The following PRRC2C variants were observed in gnomAD, a reference collection of about 807,000 sequenced individuals.
The protein encoded by PRRC2C is protein PRRC2C.
Under a neutral mutation model 317.2 loss-of-function variants are expected in PRRC2C, and 72 were observed. The observed-to-expected ratio is 0.23, with a 90% CI of 0.19 to 0.28. The LOEUF (loss-of-function observed/expected upper bound fraction) is 0.28, where lower values mean the gene tolerates loss of function less well. Among genes scored for constraint, PRRC2C ranks in the 10% least tolerant of loss-of-function variants. PRRC2C has a pLI of 1.00. For synonymous variants in PRRC2C, 1,296 were observed against 1,205.9 expected (o/e 1.07, Z -1.55); for missense variants, 3,074 against 3,459.7 (o/e 0.89, Z 2.80).
chr1:171,539,228 C>T (rs186927486), intron 15 of PRRC2C, among the ~76,000 whole-genome samples: 24 of 151,788 alleles, frequency 1.6e-4, no homozygotes, highest in East Asian at 3.9e-4. Context: ...CTCGAACTCC[C>T]GACCTCAGGT....
chr1:171,536,115 T>C lies in PRRC2C; in HGVS notation c.2130T>C (p.Thr710=). Residue 710 remains threonine (T), a synonymous_variant, in exon 14 of 35, where the codon ACT becomes ACC. Coordinates refer to ENST00000647382, the MANE Select transcript of PRRC2C (RefSeq NM_001387844.1). ...QTVPSQPSSS[T]VPPPPHRPLY... ...TTCCTTCACAACCGTCCAGTAGTAC[T>C]GTCCCTCCTCCACCACACAGACCTC... 1 of 1,572,578 alleles carries C rather than the reference T, an allele frequency of 6.4e-7. No individual in the cohort carries two copies. Among genetic ancestry groups the C allele is most frequent in the Non-Finnish European group, 8.6e-7 (1 of 1,157,488 alleles).
chr1:171,518,609 T>C (rs1004090047), intron 6 of PRRC2C, among the ~76,000 whole-genome samples: 1 of 142,148 alleles, frequency 7.0e-6, no homozygotes, highest in Non-Finnish European at 1.5e-5. Context: ...GCAATTCTTG[T>C]GCCTCCGCCT....
At chr1:171,517,003 ACACTT>A (rs1396449986) in intron 5 of PRRC2C, among the ~76,000 whole-genome samples, 1 of 152,220 alleles carries the variant, frequency 6.6e-6, no homozygotes, top group Non-Finnish European at 1.5e-5. Flanking sequence ...AGAAGGGACT[ACACTT>A]AGTGTAAATA....
intron 10 of PRRC2C, among the ~76,000 whole-genome samples, chr1:171,527,219 G>T (rs935467924): frequency 6.6e-6 from 1 of 151,424 alleles, no homozygotes; most frequent in Non-Finnish European, 1.5e-5. Context: ...TGCAACCTCC[G>T]CCTCCCAGGT....
chr1:171,537,641 T>C (rs1677079545), intron 15 of PRRC2C, among the ~76,000 whole-genome samples, 168 bp downstream of exon 15: 1 of 152,196 alleles, frequency 6.6e-6, no homozygotes, highest in African/African-American at 2.4e-5. Flanking sequence ...TCTGTATTCA[T>C]TAGGGCATTT....
chr1:171,563,511 A>G (rs553267196), intron 20 of PRRC2C, among the ~76,000 whole-genome samples: 11 of 152,330 alleles, frequency 7.2e-5, no homozygotes, highest in African/African-American at 2.6e-4. Flanking sequence ...AGCCAACTGT[A>G]TAAAGAACTT....
At chr1:171,550,319 A>C (rs1262568706) in intron 18 of PRRC2C, 79 bp downstream of exon 18, 23 of 1,300,944 alleles carry the variant, frequency 1.8e-5, no homozygotes, top group Admixed American at 2.7e-5. Flanking sequence ...CAAGGTTTTT[A>C]TACTTGTCAA....
intron 23 of PRRC2C, 69 bp from the exon 24 acceptor site, chr1:171,571,251 A>G (rs1684726140): frequency 2.3e-6 from 2 of 873,418 alleles, no homozygotes; most frequent in South Asian, 1.5e-5. Context: ...ACACCTTAGC[A>G]TTGTCTTTAA....
Position 171,512,034 on chromosome 1 carries a change from C to A in PRRC2C, c.-55C>A. 1.1e-6 allele frequency: 1 copy of A among 921,172 alleles called. No homozygotes were observed. Among genetic ancestry groups the A allele is most frequent in the South Asian group, 1.6e-5 (1 of 60,864 alleles). 57.1% of individuals were successfully genotyped at this position (921,172 alleles called of 1,614,324 possible). The stretch of plus-strand genomic sequence containing the variant: ...TTCTTTCTTATGTACATCTTAAGGA[C>A]TGGGGTTTTAAGGGGTGTGGCAGGA... On this transcript the variant is annotated splice_region_variant and 5_prime_UTR_variant, in exon 2 of 35. In the 5' UTR this introduces an upstream ATG that the reference lacks. Transcript: ENST00000647382.
At chr1:171,533,917 C>G (rs1431116791) in intron 12 of PRRC2C, among the ~76,000 whole-genome samples, 1 of 152,182 alleles carries the variant, frequency 6.6e-6, no homozygotes, top group Non-Finnish European at 1.5e-5. Flanking sequence ...CCACCGCGCC[C>G]AGCCTAAAGT....
chr1:171,518,820 G>A (rs1484576547), intron 6 of PRRC2C, among the ~76,000 whole-genome samples: 1 of 150,986 alleles, frequency 6.6e-6, no homozygotes, highest in Non-Finnish European at 1.5e-5. Flanking sequence ...TTTTTTTAAT[G>A]GAAAATTTTA....
At chr1:171,577,314 A>G in intron 25 of PRRC2C, 120 bp from the exon 26 acceptor site, 1 of 741,856 alleles carries the variant, frequency 1.3e-6, no homozygotes, top group Non-Finnish European at 2.1e-6. Flanking sequence ...GGCCTGAAGC[A>G]GTATATAAGT....
chr1:171,491,338 T>C (rs972408813), intron 1 of PRRC2C, among the ~76,000 whole-genome samples: 1 of 152,204 alleles, frequency 6.6e-6, no homozygotes, highest in Non-Finnish European at 1.5e-5. Context: ...TGCCCAAAGA[T>C]GCTGGACTGA....
intron 16 of PRRC2C, 69 bp from the exon 17 acceptor site, chr1:171,545,410 G>T: frequency 7.6e-7 from 1 of 1,314,712 alleles, no homozygotes; most frequent in Non-Finnish European, 1.1e-6. Flanking sequence ...TTTAGAAACT[G>T]CCAATAAGAG....
At position 171,559,671 on chromosome 1, in the gene PRRC2C, G is replaced by A. The variant is rs374054798; in HGVS notation, c.6032-1347G>A. On this transcript the variant is annotated intron_variant, in intron 19 of 34. Transcript: ENST00000647382. ...TGAGTATCTGGGACTACAGGCACACGTCACCATGCCTGGCTAATTTTGTAT... is the reference window on the plus strand; with the variant it reads ...TGAGTATCTGGGACTACAGGCACACATCACCATGCCTGGCTAATTTTGTAT... Among the ~76,000 whole-genome samples, 19 of 152,032 alleles carry A rather than the reference G, an allele frequency of 1.2e-4. No homozygotes were observed. In the East Asian group the frequency reaches 2.9e-3, roughly 23 times the overall value.
intron 19 of PRRC2C, among the ~76,000 whole-genome samples, chr1:171,560,184 G>A (rs895703375): frequency 1.8e-4 from 27 of 152,212 alleles, no homozygotes; most frequent in African/African-American, 6.5e-4. Context: ...ATGGGAGGAT[G>A]TCAGAATATC....
intron 1 of PRRC2C, among the ~76,000 whole-genome samples, chr1:171,494,115 A>G (rs985348240): frequency 2.6e-5 from 4 of 152,370 alleles, no homozygotes; most frequent in East Asian, 1.9e-4. Context: ...TTTAAAATAC[A>G]TAAGTTGTTA....
chr1:171,565,093 G>A (rs1683395039), intron 20 of PRRC2C, among the ~76,000 whole-genome samples: 1 of 152,106 alleles, frequency 6.6e-6, no homozygotes, highest in African/African-American at 2.4e-5. Context: ...ATTAATTGTT[G>A]TAACAAAGCC....
chr1:171,487,111 C>T (rs1239771850), intron 1 of PRRC2C, among the ~76,000 whole-genome samples: 1 of 152,190 alleles, frequency 6.6e-6, no homozygotes, highest in Non-Finnish European at 1.5e-5. Flanking sequence ...TTATGTGTGG[C>T]TGTTCTCCAT....
Sources: gnomAD v4.1 joint callset for allele counts (sites outside exome capture counted in the v4.1 genomes callset) on GRCh38, gnomAD v4.1.1 for gene constraint, MANE v1.5 for transcripts, NCBI Gene and HGNC (gene_info 2026-07-23, HGNC 2026-07-21) for gene names.